DAAM2: variants seen among roughly 807,000 people sequenced by gnomAD.
The protein encoded by DAAM2 is disheveled-associated activator of morphogenesis 2.
A neutral mutation model predicts 120.7 loss-of-function variants in DAAM2; 39 were observed. That is an observed-to-expected ratio of 0.32 (90% CI 0.25 to 0.42). The LOEUF is 0.42. Ranked by LOEUF, DAAM2 falls within the 10% of genes least tolerant of loss-of-function variation. DAAM2 has a pLI of 1.00. For missense variants in DAAM2, 1,283 were observed against 1,401.7 expected (o/e 0.92, Z 1.35); for synonymous variants, 488 against 524.9 (o/e 0.93, Z 0.96).
chr6:39,798,838 A>G (rs959900477), intron 1 of DAAM2, among the ~76,000 whole-genome samples: 3 of 150,686 alleles, frequency 2.0e-5, no homozygotes, highest in Admixed American at 6.7e-5. Flanking sequence ...TTTCCTCCTT[A>G]TTCCCTTGAA....
rs1764940492 is a variant in DAAM2, at chr6:39,878,005, G to T, written c.1302-198G>T. The stretch of plus-strand genomic sequence containing the variant: ...GTATCTAAAGGTCTTTTCTCTCACG[G>T]TCTCCACAGACACATAATGTGAACG... On this transcript the variant is annotated intron_variant, in intron 11 of 24. Transcript: ENST00000274867. This position sits in a 1 kb window ranked among gnomAD's most constrained non-coding sequence, Gnocchi z 5.0. Among the ~76,000 whole-genome samples the T allele has an allele frequency of 6.6e-6, 1 of 152,156 alleles. No homozygotes were observed. The highest frequency in any genetic ancestry group is 1.5e-5 in the Non-Finnish European group (1 of 68,032).
intron 1 of DAAM2, among the ~76,000 whole-genome samples, chr6:39,825,314 G>A (rs1042492080): frequency 4.0e-5 from 6 of 151,856 alleles, no homozygotes; most frequent in Admixed American, 2.0e-4. Context: ...GCTTGAACCC[G>A]GGAGGTGGAG....
At chr6:39,836,925 G>C (rs1763123913) in intron 1 of DAAM2, among the ~76,000 whole-genome samples, 1 of 152,198 alleles carries the variant, frequency 6.6e-6, no homozygotes, top group African/African-American at 2.4e-5. Flanking sequence ...CTGGTTTCTG[G>C]TTTCCAAGAG....
intron 2 of DAAM2, among the ~76,000 whole-genome samples, chr6:39,859,014 T>C (rs1481986291): frequency 1.3e-5 from 2 of 152,202 alleles, no homozygotes; most frequent in Admixed American, 6.5e-5. Flanking sequence ...ATGTGCTGCC[T>C]AGGCTGAGCA....
At chr6:39,847,541 C>G (rs1763645435) in intron 1 of DAAM2, among the ~76,000 whole-genome samples, 1 of 152,006 alleles carries the variant, frequency 6.6e-6, no homozygotes, top group Non-Finnish European at 1.5e-5. Context: ...GCTAAAATTC[C>G]TTCTCTTTCA....
chr6:39,877,855 G>T (rs140321375), intron 11 of DAAM2, among the ~76,000 whole-genome samples: 26 of 152,232 alleles, frequency 1.7e-4, no homozygotes, highest in Non-Finnish European at 3.2e-4. Flanking sequence ...GGAGGTGCAA[G>T]TCATGATATA....
At chr6:39,829,611 C>T (rs1034850216) in intron 1 of DAAM2, among the ~76,000 whole-genome samples, 1 of 152,090 alleles carries the variant, frequency 6.6e-6, no homozygotes, top group Non-Finnish European at 1.5e-5. Context: ...TGTGGGATAA[C>T]AAAAAAGCAA....
chr6:39,879,294 TC>T lies in DAAM2; in HGVS notation c.1667del (p.Pro556HisfsTer50). 1 of 614,680 alleles carries T rather than the reference TC, an allele frequency of 1.6e-6. No individual in the cohort carries two copies. Among genetic ancestry groups the T allele is most frequent in the Non-Finnish European group, 2.3e-6 (1 of 428,434 alleles). The allele number at this position is 614,680 out of a possible 1,614,324, so 38.1% of individuals were successfully genotyped here. ...CTCTGCCCTTTGCCTGTTGTCCCCC[TC>T]CCCCACCACCACCCCTTCCTCCCGG... Reference protein sequence around the residue: ...PPLPFACCPPPPPPPLPPGGP... With the variant: ...PPLPFACCPPXPPPPLPPGGP... On this transcript the variant is annotated frameshift_variant, in exon 14 of 25. Transcript: ENST00000274867. LOFTEE classifies it high-confidence loss of function.
chr6:39,901,240 CAG>C lies in DAAM2; in HGVS notation c.2812-61_2812-60del, dbSNP rs1178832130. The C allele has an allele frequency of 1.3e-6, 2 of 1,515,890 alleles. No individual in the cohort carries two copies. Among genetic ancestry groups the C allele is most frequent in the African/African-American group, 1.4e-5 (1 of 73,042 alleles). 93.9% of individuals were successfully genotyped at this position (1,515,890 alleles called of 1,614,324 possible). ...GCTCTGGCTAGAACCCAGCTAACCT[CAG>C]GGGCTGAGCCCAGCATGCTCCAGGG... is the stretch of plus-strand genomic sequence containing the variant. On this transcript the variant is annotated intron_variant, in intron 23 of 24. Transcript: ENST00000274867. This position sits in a 1 kb window ranked among gnomAD's most constrained non-coding sequence, Gnocchi z 4.5.
At chr6:39,849,900 T>C (rs1763741894) in intron 1 of DAAM2, among the ~76,000 whole-genome samples, 1 of 152,142 alleles carries the variant, frequency 6.6e-6, no homozygotes, top group Non-Finnish European at 1.5e-5. Flanking sequence ...GGCCATTTCC[T>C]GGGTGACTCC....
chr6:39,800,031 A>G (rs1761813062), intron 1 of DAAM2, among the ~76,000 whole-genome samples: 1 of 152,166 alleles, frequency 6.6e-6, no homozygotes, highest in Admixed American at 6.5e-5. Flanking sequence ...ACTGGATGTA[A>G]CTCATTTTTA....
Position 39,878,442 on chromosome 6 carries a change from C to T in DAAM2, c.1399C>T (p.Arg467Trp), listed in dbSNP as rs977118903. The T allele has an allele frequency of 7.4e-6, 12 of 1,611,810 alleles. 1 individual carries two copies. Among genetic ancestry groups the T allele is most frequent in the Middle Eastern group, 1.7e-4 (1 of 6,060 alleles). Reference sequence around the variant, plus strand: ...TGTGAGCCGTCTGGAGAGGAAGGAGCGGGAATGCGAGACAAAGACATTGGA... The same window carrying T: ...TGTGAGCCGTCTGGAGAGGAAGGAGTGGGAATGCGAGACAAAGACATTGGA... Reference protein sequence around the residue: ...ELVSRLERKERECETKTLEKE... With the variant: ...ELVSRLERKEWECETKTLEKE... Residue 467 changes from arginine (R) to tryptophan (W), a missense_variant, in exon 13 of 25, where the codon CGG becomes TGG. Arg to Trp is a moderately radical substitution (Grantham distance 101, BLOSUM62 -3). Coordinates refer to ENST00000274867, the MANE Select transcript of DAAM2 (RefSeq NM_001201427.2). This position sits in a 1 kb window ranked among gnomAD's most constrained non-coding sequence, Gnocchi z 5.0.
intron 1 of DAAM2, among the ~76,000 whole-genome samples, chr6:39,828,822 C>CA (rs1762775092): frequency 6.6e-6 from 1 of 152,084 alleles, no homozygotes; most frequent in Non-Finnish European, 1.5e-5. Context: ...CTGCCTCCCG[C>CA]CTTTTTATAA....
At chr6:39,892,634 C>T (rs1392015705) in intron 19 of DAAM2, among the ~76,000 whole-genome samples, 2 of 152,022 alleles carry the variant, frequency 1.3e-5, no homozygotes, top group South Asian at 2.1e-4. Flanking sequence ...ACAGGGTCAG[C>T]AGAGTGGAGC....
intron 1 of DAAM2, among the ~76,000 whole-genome samples, chr6:39,796,325 A>T (rs932787266): frequency 6.6e-5 from 10 of 152,136 alleles, no homozygotes; most frequent in African/African-American, 2.4e-4. Context: ...GCCTGGGATG[A>T]CTTTTAAGCT....
At chr6:39,864,949 A>G in intron 4 of DAAM2, 31 bp from the exon 5 acceptor site, 1 of 1,576,722 alleles carries the variant, frequency 6.3e-7, no homozygotes, top group Non-Finnish European at 8.6e-7. Flanking sequence ...GTTGGGAGAC[A>G]GGCAGCCCCT....
intron 1 of DAAM2, among the ~76,000 whole-genome samples, chr6:39,800,460 A>G (rs1761827461): frequency 6.6e-6 from 1 of 152,180 alleles, no homozygotes; most frequent in South Asian, 2.1e-4. Context: ...AACAGTTTTG[A>G]TGGAGCAAAT....
chr6:39,825,457 T>C, intron 1 of DAAM2, among the ~76,000 whole-genome samples: 1 of 142,264 alleles, frequency 7.0e-6, no homozygotes. Flanking sequence ...GTGGGGGGCC[T>C]TTGTTTCTTG....
chr6:39,871,502 C>T lies in DAAM2; in HGVS notation c.978-4C>T. 1 of 1,551,068 alleles carries T rather than the reference C, an allele frequency of 6.4e-7. No individual in the cohort carries two copies. Among genetic ancestry groups the T allele is most frequent in the Non-Finnish European group, 8.7e-7 (1 of 1,146,524 alleles). On this transcript the variant is annotated splice_region_variant and splice_polypyrimidine_tract_variant and intron_variant, in intron 8 of 24. Transcript: ENST00000274867. ...TACTCTCTCTGTCTCCCCATTCTGT[C>T]TAGACATTTAGACTTCTTCGAGATG...
Sources: allele counts gnomAD v4.1 joint callset (sites outside exome capture counted in the v4.1 genomes callset), GRCh38; gene constraint gnomAD v4.1.1; non-coding constraint Gnocchi (gnomAD v3.1); transcripts MANE v1.5; gene names NCBI Gene and HGNC (gene_info 2026-07-23, HGNC 2026-07-21).